The following EMID1 variants were observed in gnomAD, a reference collection of about 807,000 sequenced individuals.
EMID1 encodes the protein EMI domain-containing protein 1.
Under a neutral mutation model 60.6 loss-of-function variants are expected in EMID1, and 40 were observed. That is an observed-to-expected ratio of 0.66 (90% CI 0.51 to 0.86). The LOEUF is 0.86. EMID1 is among the 40% of genes least tolerant of loss of function. The pLI is 0.00. For synonymous variants in EMID1, 242 were observed against 231.0 expected (o/e 1.05, Z -0.43); for missense variants, 585 against 597.1 (o/e 0.98, Z 0.21).
At chr22:29,254,658 C>T in intron 14 of EMID1, 2 of 255,302 alleles carry the variant, frequency 7.8e-6, no homozygotes, top group South Asian at 4.7e-5. Flanking sequence ...CAGAGCCAGA[C>T]TCCTGGAGTG....
chr22:29,239,386 C>T, intron 12 of EMID1, among the ~76,000 whole-genome samples: 1 of 111,730 alleles, frequency 9.0e-6, no homozygotes, highest in African/African-American at 4.5e-5. Flanking sequence ...CCACCTCAGC[C>T]TCCCAAAGTG....
intron 3 of EMID1, among the ~76,000 whole-genome samples, chr22:29,223,721 G>A (rs1436458551): frequency 6.6e-6 from 1 of 152,088 alleles, no homozygotes; most frequent in Non-Finnish European, 1.5e-5. Context: ...ACCTTTATCT[G>A]AGCATGGGTG....
chr22:29,231,195 G>A (rs2040728476), intron 6 of EMID1, 55 bp downstream of exon 6: 5 of 1,535,892 alleles, frequency 3.3e-6, no homozygotes, highest in Non-Finnish European at 4.4e-6. Context: ...TGGGAATCGG[G>A]GAAGTGGGAT....
At chr22:29,216,362 C>G in intron 3 of EMID1, 1 of 985,462 alleles carries the variant, frequency 1.0e-6, no homozygotes, top group Non-Finnish European at 1.2e-6. Context: ...CCTCTCCCAT[C>G]CTCACTGCCT....
chr22:29,213,681 C>T (rs1230326521), intron 1 of EMID1, among the ~76,000 whole-genome samples: 1 of 152,134 alleles, frequency 6.6e-6, no homozygotes, highest in East Asian at 1.9e-4. Context: ...GGGCCCTGTG[C>T]TTTTTGCAGG....
chr22:29,217,560 C>T (rs1286982051), intron 3 of EMID1, among the ~76,000 whole-genome samples: 3 of 152,230 alleles, frequency 2.0e-5, no homozygotes, highest in South Asian at 4.1e-4. Context: ...GGCACCATCA[C>T]TAAAAGGCAC....
intron 8 of EMID1, 163 bp downstream of exon 8, chr22:29,232,565 A>G (rs1037210887): frequency 2.5e-6 from 2 of 806,846 alleles, no homozygotes; most frequent in Non-Finnish European, 3.8e-6. Context: ...CTGTGGTTAC[A>G]GGTGAGGAAC....
At chr22:29,241,916 AT>A (rs1428094318) in intron 12 of EMID1, among the ~76,000 whole-genome samples, 1 of 150,530 alleles carries the variant, frequency 6.6e-6, no homozygotes, top group Non-Finnish European at 1.5e-5. Flanking sequence ...ATATTTCTTT[AT>A]TTTACTTTTT....
chr22:29,256,189 G>A (rs888301112), intron 14 of EMID1, among the ~76,000 whole-genome samples: 1 of 152,084 alleles, frequency 6.6e-6, no homozygotes, highest in African/African-American at 2.4e-5. Flanking sequence ...TAAAGACTGA[G>A]AGGCCGGTCA....
At chr22:29,226,675 G>A (rs1295897728) in intron 5 of EMID1, 124 bp downstream of exon 5, 10 of 982,652 alleles carry the variant, frequency 1.0e-5, no homozygotes, top group African/African-American at 1.7e-5. Context: ...AACCCACAGG[G>A]CAGCTCTGAA....
chr22:29,226,629 C>A, intron 5 of EMID1, 78 bp downstream of exon 5: 2 of 1,446,058 alleles, frequency 1.4e-6, no homozygotes, highest in Non-Finnish European at 9.3e-7. Flanking sequence ...ACCCTCCCCA[C>A]CTCCTTCCCC....
At chr22:29,246,158 G>A (rs2041324599) in intron 13 of EMID1, among the ~76,000 whole-genome samples, 1 of 152,240 alleles carries the variant, frequency 6.6e-6, no homozygotes, top group African/African-American at 2.4e-5. Flanking sequence ...TACAACAGGT[G>A]CAAAGGCCCT....
intron 13 of EMID1, among the ~76,000 whole-genome samples, chr22:29,245,289 A>G (rs5763092): frequency 0.14 from 20,926 of 152,144 alleles, 1,682 homozygotes; most frequent in East Asian, 0.23. Context: ...TAGGCTAATT[A>G]CTGGCCTCTC....
At chr22:29,257,637 G>C (rs1160686586) in intron 14 of EMID1, among the ~76,000 whole-genome samples, 1 of 152,230 alleles carries the variant, frequency 6.6e-6, no homozygotes, top group Non-Finnish European at 1.5e-5. Flanking sequence ...ACCTGCAGGA[G>C]ACCTGGGTGG....
chr22:29,220,009 C>A (rs372959880), intron 3 of EMID1, among the ~76,000 whole-genome samples: 1 of 152,114 alleles, frequency 6.6e-6, no homozygotes, highest in Non-Finnish European at 1.5e-5. Flanking sequence ...CAGCCACCCC[C>A]ACTCCTGGAA....
At chr22:29,230,122 C>T (rs575122474) in intron 5 of EMID1, among the ~76,000 whole-genome samples, 2 of 152,274 alleles carry the variant, frequency 1.3e-5, no homozygotes, top group East Asian at 3.9e-4. Context: ...CACTTCAGGT[C>T]AGGAGTTTGA....
In EMID1 at chr22:29,234,360, C is replaced by T. The variant is rs58403906; in HGVS notation, c.1074+11C>T. On this transcript the variant is annotated intron_variant, in intron 12 of 14. Transcript: ENST00000334018. ...TCTGCTGGGCAGCGGGTAAGTGTTG[C>T]TGTCTGTCCCGCATTCATCCCTGCA... 3.5e-4 allele frequency: 561 copies of T among 1,612,654 alleles called. 1 individual carries two copies. In the African/African-American group the frequency reaches 7.0e-3, roughly 20 times the overall value.
intron 6 of EMID1, 40 bp from the exon 7 acceptor site, chr22:29,231,553 C>A (rs201840101): frequency 6.5e-7 from 1 of 1,543,752 alleles, no homozygotes; most frequent in Non-Finnish European, 8.8e-7. Flanking sequence ...GGGTCAAGAG[C>A]AGATGTGGAG....
chr22:29,257,390 A>C (rs1410644804), intron 14 of EMID1, among the ~76,000 whole-genome samples: 1 of 152,214 alleles, frequency 6.6e-6, no homozygotes, highest in East Asian at 1.9e-4. Flanking sequence ...CCAATCTCTT[A>C]GAGGAGTAAA....
Sources: gnomAD v4.1 joint callset for allele counts (sites outside exome capture counted in the v4.1 genomes callset) on GRCh38, gnomAD v4.1.1 for gene constraint, MANE v1.5 for transcripts, NCBI Gene and HGNC (gene_info 2026-07-23, HGNC 2026-07-21) for gene names.